The following HS3ST3A1 variants were observed in gnomAD, a reference collection of about 807,000 sequenced individuals.
The protein encoded by HS3ST3A1 is heparan sulfate-glucosamine 3-sulfotransferase 3A1, also known as heparan sulfate glucosamine 3-O-sulfotransferase 3A1.
Under a neutral mutation model 25.7 loss-of-function variants are expected in HS3ST3A1, and 19 were observed. The ratio of observed to expected loss-of-function variants is 0.74; its 90% CI spans 0.52 to 1.08. The LOEUF (loss-of-function observed/expected upper bound fraction) is 1.08, where lower values mean the gene tolerates loss of function less well. Ranked by LOEUF, HS3ST3A1 falls within the 50% of genes least tolerant of loss-of-function variation. The pLI is 0.00. For synonymous variants in HS3ST3A1, 226 were observed against 278.6 expected (o/e 0.81, Z 1.88); for missense variants, 459 against 594.3 (o/e 0.77, Z 2.37).
At chr17:13,570,922 A>G (rs562942870) in intron 1 of HS3ST3A1, among the ~76,000 whole-genome samples, 1 of 152,210 alleles carries the variant, frequency 6.6e-6, no homozygotes, top group Non-Finnish European at 1.5e-5. Context: ...GTCCTTGACC[A>G]TATTTGACAG....
intron 1 of HS3ST3A1, among the ~76,000 whole-genome samples, chr17:13,542,329 C>CA (rs61165551): frequency 0.049 from 5,742 of 116,788 alleles, 156 homozygotes; most frequent in African/African-American, 0.083. Flanking sequence ...ACTCTGTTTC[C>CA]AAAAAAAAAA....
intron 1 of HS3ST3A1, among the ~76,000 whole-genome samples, chr17:13,531,869 T>C (rs1337424473): frequency 6.6e-6 from 1 of 152,226 alleles, no homozygotes; most frequent in Non-Finnish European, 1.5e-5. Context: ...CAGGAAGTTG[T>C]ATACCTCACA....
intron 1 of HS3ST3A1, among the ~76,000 whole-genome samples, chr17:13,531,118 G>C (rs1906591782): frequency 2.0e-5 from 3 of 152,142 alleles, no homozygotes; most frequent in Admixed American, 2.0e-4. Context: ...CAAGCATTTA[G>C]GGAATAAGCA....
chr17:13,582,111 C>CTT (rs11369821), intron 1 of HS3ST3A1, among the ~76,000 whole-genome samples: 2 of 149,394 alleles, frequency 1.3e-5, no homozygotes, highest in African/African-American at 4.9e-5. Flanking sequence ...TGTTCCTCCT[C>CTT]TTTTTTTTTT....
intron 1 of HS3ST3A1, among the ~76,000 whole-genome samples, chr17:13,498,014 C>T (rs1311791028): frequency 6.6e-6 from 1 of 152,178 alleles, no homozygotes; most frequent in Non-Finnish European, 1.5e-5. Context: ...ACATGTCAAA[C>T]ATAAACAAAA....
chr17:13,582,865 T>C (rs1441964124), intron 1 of HS3ST3A1, among the ~76,000 whole-genome samples: 1 of 152,242 alleles, frequency 6.6e-6, no homozygotes, highest in Non-Finnish European at 1.5e-5. Flanking sequence ...GATTCACATT[T>C]GCTCTTTGAT....
At chr17:13,537,928 A>G (rs1214261564) in intron 1 of HS3ST3A1, among the ~76,000 whole-genome samples, 1 of 152,224 alleles carries the variant, frequency 6.6e-6, no homozygotes, top group Non-Finnish European at 1.5e-5. Flanking sequence ...CTGTAAGGTT[A>G]AAAACTCAGC....
chr17:13,573,515 C>A (rs866467163), intron 1 of HS3ST3A1, among the ~76,000 whole-genome samples: 13 of 152,166 alleles, frequency 8.5e-5, no homozygotes, highest in African/African-American at 2.9e-4. Flanking sequence ...TTTTAGTCTC[C>A]TGAACCAACC....
At chr17:13,546,931 T>C (rs4792369) in intron 1 of HS3ST3A1, among the ~76,000 whole-genome samples, 2,372 of 152,330 alleles carry the variant, frequency 0.016, 60 homozygotes, top group African/African-American at 0.054. Context: ...GACCTTCCGA[T>C]GGGCTACTAA....
In HS3ST3A1 at chr17:13,499,670, G is replaced by T. The variant is rs144936304; in HGVS notation, c.600-2852C>A. Among the ~76,000 whole-genome samples the T allele has an allele frequency of 1.2e-4, 18 of 152,128 alleles. No individual in the cohort carries two copies. The East Asian group carries it at 3.3e-3, about 28-fold the overall frequency. On this transcript the variant is annotated intron_variant, in intron 1 of 1. Coordinates refer to ENST00000284110, the MANE Select transcript of HS3ST3A1 (RefSeq NM_006042.3). ...TGCAGAGATTGAGGCTATAGATTGC[G>T]CTGGGCCAGAGGAAACACTGCTAAA... is the stretch of plus-strand genomic sequence containing the variant.
chr17:13,514,145 T>C (rs996955391), intron 1 of HS3ST3A1, among the ~76,000 whole-genome samples: 1 of 152,044 alleles, frequency 6.6e-6, no homozygotes, highest in Non-Finnish European at 1.5e-5. Context: ...GGATTTTTTT[T>C]CTTAGATTTC....
intron 1 of HS3ST3A1, among the ~76,000 whole-genome samples, chr17:13,534,612 C>T (rs996525683): frequency 6.8e-6 from 1 of 147,908 alleles, no homozygotes; most frequent in African/African-American, 2.5e-5. Context: ...CCTGTAGTTC[C>T]AGCATCCTGG....
At chr17:13,518,003 G>A (rs1906109376) in intron 1 of HS3ST3A1, among the ~76,000 whole-genome samples, 1 of 152,114 alleles carries the variant, frequency 6.6e-6, no homozygotes, top group East Asian at 1.9e-4. Context: ...GGGAGAGGAA[G>A]GATTCTAGAA....
In HS3ST3A1 at chr17:13,594,868, A is replaced by T. The variant is rs551676389; in HGVS notation, c.599+5663T>A. On this transcript the variant is annotated intron_variant, in intron 1 of 1. Transcript: ENST00000284110. ...TTGTTGCTGCTGTAGTTTCTTTTTT[A>T]AATTGAGACTGCAAATATGCTCTAT... Among the ~76,000 whole-genome samples, 8 of 152,212 alleles carry T rather than the reference A, an allele frequency of 5.3e-5. 1 individual carries two copies. The highest frequency in any genetic ancestry group is 5.2e-4 in the Admixed American group (8 of 15,270).
At position 13,600,769 on chromosome 17, in the gene HS3ST3A1, A is replaced by T; in HGVS notation, c.361T>A (p.Ser121Thr). 6.6e-7 allele frequency: 1 copy of T among 1,504,050 alleles called. No homozygotes were observed. Among genetic ancestry groups the T allele is most frequent in the Non-Finnish European group, 8.8e-7 (1 of 1,134,010 alleles). 93.2% of individuals were successfully genotyped at this position (1,504,050 alleles called of 1,614,324 possible). The change falls in exon 1 of 2, where the codon TCA (serine) becomes ACA (threonine). Residue 121 changes from serine (S) to threonine (T), a missense_variant. This residue lies in a region of HS3ST3A1 where 346 missense variants were observed against 303.9 expected (regional missense o/e 1.14). Coordinates refer to ENST00000284110, the MANE Select transcript of HS3ST3A1 (RefSeq NM_006042.3). ...AAWEEESPGL[S>T]GGPGGSGAGS... ...GCCCCGGAGCCGCCCGGACCCCCTG[A>T]CAGGCCAGGGGACTCTTCTTCCCAG...
chr17:13,503,179 A>G (rs1394062612), intron 1 of HS3ST3A1, among the ~76,000 whole-genome samples: 2 of 151,216 alleles, frequency 1.3e-5, no homozygotes, highest in Admixed American at 6.6e-5. Context: ...ATCTCAAAAA[A>G]AAAAAAAAAA....
At chr17:13,574,633 G>A (rs978114491) in intron 1 of HS3ST3A1, among the ~76,000 whole-genome samples, 2 of 151,858 alleles carry the variant, frequency 1.3e-5, no homozygotes, top group African/African-American at 2.4e-5. Flanking sequence ...CAGGAGAATG[G>A]CATGAACCCA....
intron 1 of HS3ST3A1, among the ~76,000 whole-genome samples, chr17:13,565,517 G>A (rs1320544354): frequency 6.6e-6 from 1 of 151,408 alleles, no homozygotes; most frequent in African/African-American, 2.4e-5. Context: ...GGGCTACAGA[G>A]TGAGACCCTG....
At chr17:13,498,727 T>C (rs1383250800) in intron 1 of HS3ST3A1, among the ~76,000 whole-genome samples, 1 of 152,198 alleles carries the variant, frequency 6.6e-6, no homozygotes, top group Non-Finnish European at 1.5e-5. Flanking sequence ...CAGTCATATT[T>C]CTATACAACT....
Sources: allele counts gnomAD v4.1 joint callset (sites outside exome capture counted in the v4.1 genomes callset), GRCh38; gene constraint gnomAD v4.1.1; regional missense constraint gnomAD v4.1.1; transcripts MANE v1.5; gene names NCBI Gene and HGNC (gene_info 2026-07-23, HGNC 2026-07-21).